HERC1: variants seen among roughly 807,000 people sequenced by gnomAD.
HERC1 encodes HECT and RLD domain containing E3 ubiquitin protein ligase family member 1.
HERC1 carries 160 observed loss-of-function variants against 554.3 expected under a neutral mutation model. The ratio of observed to expected loss-of-function variants is 0.29; its 90% CI spans 0.25 to 0.33. The LOEUF is 0.33. Among genes scored for constraint, HERC1 ranks in the 10% least tolerant of loss-of-function variants. The probability of loss-of-function intolerance (pLI) is 1.00; values close to 1 mark genes in which losing one functional copy is unlikely to be tolerated. For synonymous variants in HERC1, 2,175 were observed against 2,131.7 expected, an observed-to-expected ratio of 1.02 and a Z score of -0.56; for missense variants, 4,919 against 5,918.5, an observed-to-expected ratio of 0.83 and a Z score of 5.54.
chr15:63,656,956 T>C (rs960674900), intron 48 of HERC1, among the ~76,000 whole-genome samples: 3 of 152,224 alleles, frequency 2.0e-5, no homozygotes, highest in African/African-American at 7.2e-5. Context: ...AATCAGGCGG[T>C]TTCCAACATG....
chr15:63,718,514 T>G lies in HERC1; in HGVS notation c.3978+60A>C. ...ACATTTTTTTCTCACATAAACCAAT[T>G]TAGAGCTAGCTCTCACAGCTTGCAG... is the stretch of plus-strand genomic sequence containing the variant. On this transcript the variant is annotated intron_variant, in intron 21 of 77. Transcript: ENST00000443617. The surrounding 1 kb of genome is among the most constrained non-coding windows in gnomAD (Gnocchi z 4.2). The G allele has an allele frequency of 9.4e-6, 14 of 1,492,966 alleles. No homozygotes were observed. In the South Asian group the frequency reaches 1.7e-4, roughly 18 times the overall value. The allele number at this position is 1,492,966 out of a possible 1,614,324, so 92.5% of individuals were successfully genotyped here.
chr15:63,664,741 T>C (rs917908622), intron 42 of HERC1, 147 bp from the exon 43 acceptor site: 5 of 639,988 alleles, frequency 7.8e-6, no homozygotes, highest in African/African-American at 5.5e-5. Context: ...CTTTATCCCT[T>C]GAACAGTTCA....
chr15:63,828,733 T>C lies in HERC1; in HGVS notation c.-27+5094A>G, dbSNP rs1033313719. Among the ~76,000 whole-genome samples, 4 of 152,222 alleles carry C rather than the reference T, an allele frequency of 2.6e-5. No homozygotes were observed. In the South Asian group the frequency reaches 8.3e-4, roughly 32 times the overall value. ...AAAAATAATAATAATTAAAATCAAC[T>C]AGGGTTGGAGGGAACCCAAAATGGA... On this transcript the variant is annotated intron_variant, in intron 1 of 77. Transcript: ENST00000443617.
At chr15:63,769,070 A>T (rs1223223389) in intron 2 of HERC1, among the ~76,000 whole-genome samples, 3 of 152,210 alleles carry the variant, frequency 2.0e-5, no homozygotes, top group African/African-American at 7.2e-5. Context: ...GTCAGTATTT[A>T]AGGATAAGTC....
At chr15:63,722,582 T>C (rs2073867209) in intron 19 of HERC1, among the ~76,000 whole-genome samples, 1 of 152,234 alleles carries the variant, frequency 6.6e-6, no homozygotes, top group Non-Finnish European at 1.5e-5. Flanking sequence ...AGTAGTATGA[T>C]GAAATCTCAC....
chr15:63,718,759 T>A lies in HERC1; in HGVS notation c.3857+24A>T. On this transcript the variant is annotated intron_variant, in intron 20 of 77. Coordinates refer to ENST00000443617, the MANE Select transcript of HERC1 (RefSeq NM_003922.4). This position sits in a 1 kb window ranked among gnomAD's most constrained non-coding sequence, Gnocchi z 4.2. The stretch of plus-strand genomic sequence containing the variant: ...GACATCATGAGAGCAAATATTTGTC[T>A]GAGGATAGTTTTAAGTTACTTGCCG... 6.2e-7 allele frequency: 1 copy of A among 1,605,978 alleles called. No individual in the cohort carries two copies. Among genetic ancestry groups the A allele is most frequent in the Non-Finnish European group, 8.5e-7 (1 of 1,174,030 alleles).
chr15:63,632,905 C>CA (rs2068624681), intron 67 of HERC1, 94 bp from the exon 68 acceptor site: 1 of 787,366 alleles, frequency 1.3e-6, no homozygotes, highest in African/African-American at 1.7e-5. Context: ...TACCTTCCAA[C>CA]AAAAATACTA....
At chr15:63,754,055 T>A (rs886978767) in intron 7 of HERC1, among the ~76,000 whole-genome samples, 1 of 151,960 alleles carries the variant, frequency 6.6e-6, no homozygotes, top group African/African-American at 2.4e-5. Context: ...ATGCCTGTAG[T>A]CCCAGCTACT....
rs2068616897 is a variant in HERC1 at position 63,632,693 on chromosome 15, C to A, written c.12796+16G>T. ...AATGATGTGTACCCAAGCAAATAAG[C>A]TGAAAAATGTCTTACCTTGACCAAA... On this transcript the variant is annotated intron_variant, in intron 68 of 77. Transcript: ENST00000443617. 6 of 1,491,608 alleles carry A rather than the reference C, an allele frequency of 4.0e-6. No homozygotes were observed. The highest frequency in any genetic ancestry group is 5.5e-6 in the Non-Finnish European group (6 of 1,092,370). 92.4% of individuals were successfully genotyped at this position (1,491,608 alleles called of 1,614,324 possible). A position where few individuals can be genotyped will look rare whatever the true frequency, so the allele number is the denominator to read the frequency against.
chr15:63,790,577 C>CA (rs982029810), intron 1 of HERC1, among the ~76,000 whole-genome samples: 1 of 149,058 alleles, frequency 6.7e-6, no homozygotes, highest in Non-Finnish European at 1.5e-5. Context: ...GACTCCGTCT[C>CA]AAAAAAAAAT....
At chr15:63,777,021 A>G (rs976858167) in intron 1 of HERC1, among the ~76,000 whole-genome samples, 7 of 152,170 alleles carry the variant, frequency 4.6e-5, no homozygotes, top group Admixed American at 2.6e-4. Flanking sequence ...TTAATTACAA[A>G]ATATTGCAGG....
chr15:63,734,340 T>C lies in HERC1; in HGVS notation c.2646+384A>G, dbSNP rs2074413795. Among the ~76,000 whole-genome samples, 1 of 152,164 alleles carries C rather than the reference T, an allele frequency of 6.6e-6. No homozygotes were observed. Among genetic ancestry groups the C allele is most frequent in the Non-Finnish European group, 1.5e-5 (1 of 68,034 alleles). On this transcript the variant is annotated intron_variant, in intron 13 of 77. Transcript: ENST00000443617. This position sits in a 1 kb window ranked among gnomAD's most constrained non-coding sequence, Gnocchi z 4.6. ...AATGGAAAGAAAAGTATACTCATAT[T>C]ATCAAATACTTTTTCCTAATAGTCA...
chr15:63,677,906 C>T lies in HERC1; in HGVS notation c.7009G>A (p.Val2337Met). The change falls in exon 37 of 78, where the codon GTG (valine) becomes ATG (methionine). Residue 2337 changes from valine to methionine, a missense_variant. Physicochemically the swap from Val to Met is conservative, Grantham distance 21. Around this residue, in one of 11 missense-constraint regions of HERC1, gnomAD observed 1,963 missense variants for 2,228.6 expected, o/e 0.88. Transcript: ENST00000443617. This position sits in a 1 kb window ranked among gnomAD's most constrained non-coding sequence, Gnocchi z 4.4. ...GCAGACGTGCTGCCCTCTTTGACCACTCCCAGCAGCGTGGCATGGCGCCCA... is the reference window on the plus strand; with the variant it reads ...GCAGACGTGCTGCCCTCTTTGACCATTCCCAGCAGCGTGGCATGGCGCCCA... ...QTGRHATLLG[V>M]VKEGSTSAKV... The T allele has an allele frequency of 2.5e-6, 4 of 1,614,046 alleles. No homozygotes were observed. The highest frequency in any genetic ancestry group is 1.7e-6 in the Non-Finnish European group (2 of 1,179,890).
intron 46 of HERC1, among the ~76,000 whole-genome samples, chr15:63,660,275 A>G (rs2070283992): frequency 6.6e-6 from 1 of 152,198 alleles, no homozygotes; most frequent in Non-Finnish European, 1.5e-5. Context: ...AGCTGAGATC[A>G]CGCCACAGCA....
rs2068708435 is a variant in HERC1 at position 63,634,746 on chromosome 15, T to A, written c.12557A>T (p.Tyr4186Phe). Residue 4186 changes from tyrosine (Y) to phenylalanine (F), a missense_variant, in exon 66 of 78, where the codon TAT becomes TTT. Physicochemically the swap from Tyr to Phe is conservative, Grantham distance 22. Around this residue, in one of 11 missense-constraint regions of HERC1, gnomAD observed 410 missense variants for 467.0 expected, o/e 0.88. Coordinates refer to ENST00000443617, the MANE Select transcript of HERC1 (RefSeq NM_003922.4). ...LPERVTALEGYQIGQVACGLN... is the reference protein window; with the variant it reads ...LPERVTALEGFQIGQVACGLN... ...TTTATTCCATGCCTGTCCAATCTGA[T>A]ATCCCTCCAGTGCAGTCACTCTCTC... 6.2e-7 allele frequency: 1 copy of A among 1,612,728 alleles called. No individual in the cohort carries two copies. Among genetic ancestry groups the A allele is most frequent in the Non-Finnish European group, 8.5e-7 (1 of 1,179,190 alleles).
At chr15:63,616,303 G>T in intron 75 of HERC1, 127 bp downstream of exon 75, 4 of 969,982 alleles carry the variant, frequency 4.1e-6, no homozygotes, top group Non-Finnish European at 6.1e-6. Flanking sequence ...GGCAGCAATG[G>T]CATAGATATG....
intron 70 of HERC1, among the ~76,000 whole-genome samples, chr15:63,628,263 A>G (rs767157703): frequency 2.1e-4 from 32 of 152,096 alleles, no homozygotes; most frequent in Non-Finnish European, 4.1e-4. Flanking sequence ...ATGGTAGTGC[A>G]TGCCTGTAGT....
Position 63,655,162 on chromosome 15 carries a change from T to C in HERC1, c.10084+580A>G, listed in dbSNP as rs933393294. Among the ~76,000 whole-genome samples, 7 of 152,128 alleles carry C rather than the reference T, an allele frequency of 4.6e-5. 1 individual carries two copies. The East Asian group carries it at 1.2e-3, about 25-fold the overall frequency. Reference sequence around the variant, plus strand: ...CGAGGCCAGGAGTTCAAGACAAGCCTGGCCAACATGGCGAAACCCCATCTC... The same window carrying C: ...CGAGGCCAGGAGTTCAAGACAAGCCCGGCCAACATGGCGAAACCCCATCTC... On this transcript the variant is annotated intron_variant, in intron 50 of 77. Transcript: ENST00000443617.
At chr15:63,640,645 A>C (rs982428106) in intron 60 of HERC1, among the ~76,000 whole-genome samples, 200 bp from the exon 61 acceptor site, 3 of 152,176 alleles carry the variant, frequency 2.0e-5, no homozygotes, top group African/African-American at 7.2e-5. Flanking sequence ...AACTTTATCC[A>C]ATGTTAACAT....
Sources: allele counts gnomAD v4.1 joint callset (sites outside exome capture counted in the v4.1 genomes callset), GRCh38; gene constraint gnomAD v4.1.1; regional missense constraint gnomAD v4.1.1; non-coding constraint Gnocchi (gnomAD v3.1); transcripts MANE v1.5; gene names NCBI Gene and HGNC (gene_info 2026-07-23, HGNC 2026-07-21).